RAB11FIP2: variants seen among roughly 807,000 people sequenced by gnomAD.
RAB11FIP2 encodes rab11 family-interacting protein 2.
RAB11FIP2 carries 16 observed loss-of-function variants against 40.9 expected under a neutral mutation model. The observed-to-expected ratio is 0.39, with a 90% CI of 0.26 to 0.59. RAB11FIP2 has a LOEUF of 0.59. Among genes scored for constraint, RAB11FIP2 ranks in the 20% least tolerant of loss-of-function variants. The pLI, the probability that RAB11FIP2 is intolerant of heterozygous loss-of-function variation, is 0.53. For synonymous variants in RAB11FIP2, 228 were observed against 213.7 expected (o/e 1.07, Z -0.58); for missense variants, 532 against 606.2 (o/e 0.88, Z 1.28).
chr10:118,016,356 C>T (rs1188460226), intron 3 of RAB11FIP2, among the ~76,000 whole-genome samples: 1 of 152,182 alleles, frequency 6.6e-6, no homozygotes, highest in Non-Finnish European at 1.5e-5. Context: ...GGCACATTTT[C>T]TTAACATCTT....
At position 118,046,280 on chromosome 10, in the gene RAB11FIP2, A is replaced by G; in HGVS notation, c.-117T>C. On this transcript the variant is annotated 5_prime_UTR_variant, in exon 1 of 5. An upstream open reading frame in the 5' UTR loses its in-frame stop. Coordinates refer to ENST00000355624, the MANE Select transcript of RAB11FIP2 (RefSeq NM_014904.3). ...ACACTTAACGGAAACAGGCAGGCTC[A>G]GGGCTCCCCGACTTCCCTATGGCTG... The G allele has an allele frequency of 1.1e-6, 1 of 933,434 alleles. No homozygotes were observed. The highest frequency in any genetic ancestry group is 1.6e-6 in the Non-Finnish European group (1 of 611,098). The allele number at this position is 933,434 out of a possible 1,614,324, so 57.8% of individuals were successfully genotyped here.
intron 3 of RAB11FIP2, among the ~76,000 whole-genome samples, chr10:118,020,624 C>T (rs1333350909): frequency 1.3e-5 from 2 of 152,176 alleles, no homozygotes; most frequent in Non-Finnish European, 1.5e-5. Context: ...CCCCTGCCTC[C>T]CTGCTGGGCT....
In RAB11FIP2 at chr10:118,040,543, G is replaced by T. The variant is rs1293356858; in HGVS notation, c.376C>A (p.Gln126Lys). The T allele has an allele frequency of 6.2e-7, 1 of 1,606,618 alleles. No homozygotes were observed. The highest frequency in any genetic ancestry group is 8.5e-7 in the Non-Finnish European group (1 of 1,177,130). The change falls in exon 2 of 5, where the codon CAA (glutamine) becomes AAA (lysine). Residue 126 changes from glutamine to lysine, a missense_variant. Transcript: ENST00000355624. The stretch of plus-strand genomic sequence containing the variant: ...CCCCTGTTTTTGATTCGTTTTCCTT[G>T]TTTGGATTCTAATCTAAACCACCTT... ...KTEWFRLESK[Q>K]GKRIKNRGEI...
At chr10:118,020,920 A>G (rs1846276599) in intron 3 of RAB11FIP2, among the ~76,000 whole-genome samples, 1 of 152,202 alleles carries the variant, frequency 6.6e-6, no homozygotes, top group South Asian at 2.1e-4. Context: ...AAGAAAAATA[A>G]TTACTCATAT....
rs1428506700 is a variant in RAB11FIP2, at chr10:118,005,848, TAACAAGAAGAA to T, written c.*3139_*3149del. The T allele has an allele frequency of 6.6e-6, 1 of 152,404 alleles. No homozygotes were observed. The highest frequency in any genetic ancestry group is 1.9e-4 in the East Asian group (1 of 5,188). The allele number at this position is 152,404 out of a possible 1,614,324, so 9.4% of individuals were successfully genotyped here. On this transcript the variant is annotated 3_prime_UTR_variant, in exon 5 of 5. Coordinates refer to ENST00000355624, the MANE Select transcript of RAB11FIP2 (RefSeq NM_014904.3). ...GGTGGTGAGGGAGTTGCTGGAGGAA[TAACAAGAAGAA>T]AACAAGTCTGTCACTAATGAGCTTA...
At chr10:118,044,089 T>C (rs1173900262) in intron 1 of RAB11FIP2, among the ~76,000 whole-genome samples, 2 of 152,206 alleles carry the variant, frequency 1.3e-5, no homozygotes, top group Non-Finnish European at 2.9e-5. Flanking sequence ...AGAGAATTTC[T>C]ATAAGGAGAG....
rs2928125 is a variant in RAB11FIP2, at chr10:118,006,870, C to T, written c.*2128G>A. On this transcript the variant is annotated 3_prime_UTR_variant, in exon 5 of 5. Transcript: ENST00000355624. The stretch of plus-strand genomic sequence containing the variant: ...AATAGCTTTTATATAGGAAAAGAAT[C>T]GCTCCTTAAAAATCAATTTCCCCAT... 0.04 allele frequency: 6,122 copies of T among 152,288 alleles called. 319 individuals carry two copies. The highest frequency in any genetic ancestry group is 0.28 in the East Asian group (1,455 of 5,164). 9.4% of individuals were successfully genotyped at this position (152,288 alleles called of 1,614,324 possible).
chr10:118,010,639 T>C (rs776909076), intron 4 of RAB11FIP2, among the ~76,000 whole-genome samples: 3 of 152,086 alleles, frequency 2.0e-5, no homozygotes. Context: ...GCTTGGGTCA[T>C]TGAAGCACAC....
chr10:118,010,729 A>T (rs1846144951), intron 4 of RAB11FIP2, among the ~76,000 whole-genome samples: 1 of 152,078 alleles, frequency 6.6e-6, no homozygotes, highest in South Asian at 2.1e-4. Context: ...CTTTGTGGAG[A>T]AGATACAGCT....
At chr10:118,012,609 CAT>C (rs1249086152) in intron 4 of RAB11FIP2, among the ~76,000 whole-genome samples, 3 of 151,738 alleles carry the variant, frequency 2.0e-5, no homozygotes, top group Non-Finnish European at 4.4e-5. Flanking sequence ...AAAATTAAAA[CAT>C]ATGCTCATTA....
chr10:118,038,802 C>T, intron 3 of RAB11FIP2, 170 bp downstream of exon 3: 1 of 554,668 alleles, frequency 1.8e-6, no homozygotes, highest in Non-Finnish European at 3.0e-6. Flanking sequence ...AAGTTCAGTT[C>T]CAAAAATATA....
chr10:118,007,558 T>C lies in RAB11FIP2; in HGVS notation c.*1440A>G, dbSNP rs1442403238. The C allele has an allele frequency of 2.0e-5, 3 of 151,966 alleles. No homozygotes were observed. Among genetic ancestry groups the C allele is most frequent in the Non-Finnish European group, 4.4e-5 (3 of 67,924 alleles). The allele number at this position is 151,966 out of a possible 1,614,324, so 9.4% of individuals were successfully genotyped here. A position where few individuals can be genotyped will look rare whatever the true frequency, so the allele number is the denominator to read the frequency against. ...CAATTCATGGAAAGATTGGGGAATA[T>C]GTAAGTCTCCATATGGACATGAATT... is the stretch of plus-strand genomic sequence containing the variant. On this transcript the variant is annotated 3_prime_UTR_variant, in exon 5 of 5. Transcript: ENST00000355624.
At chr10:118,013,948 T>G (rs1385907581) in intron 4 of RAB11FIP2, among the ~76,000 whole-genome samples, 1 of 152,112 alleles carries the variant, frequency 6.6e-6, no homozygotes, top group African/African-American at 2.4e-5. Flanking sequence ...CCTGATAGAA[T>G]TCATTTTACT....
chr10:118,012,449 A>G (rs1295464063), intron 4 of RAB11FIP2, among the ~76,000 whole-genome samples: 1 of 151,920 alleles, frequency 6.6e-6, no homozygotes, highest in Non-Finnish European at 1.5e-5. Context: ...GCTGAGTTCC[A>G]GATTTTATCT....
chr10:118,023,028 T>A (rs771684710), intron 3 of RAB11FIP2, among the ~76,000 whole-genome samples: 1 of 152,212 alleles, frequency 6.6e-6, no homozygotes, highest in Non-Finnish European at 1.5e-5. Context: ...TACGAAGAAT[T>A]ATTCTCATAT....
intron 3 of RAB11FIP2, among the ~76,000 whole-genome samples, chr10:118,022,117 G>A (rs1269446426): frequency 6.6e-6 from 1 of 152,162 alleles, no homozygotes; most frequent in Non-Finnish European, 1.5e-5. Flanking sequence ...GCGCACCGAA[G>A]GTGAAGCCTC....
intron 1 of RAB11FIP2, among the ~76,000 whole-genome samples, chr10:118,040,826 T>C (rs978714376): frequency 2.6e-5 from 4 of 152,276 alleles, no homozygotes; most frequent in African/African-American, 9.6e-5. Context: ...GATAATCTTT[T>C]CTTTTGTAAT....
At chr10:118,040,100 G>A in intron 2 of RAB11FIP2, 23 bp downstream of exon 2, 1 of 1,592,134 alleles carries the variant, frequency 6.3e-7, no homozygotes, top group Non-Finnish European at 8.6e-7. Flanking sequence ...AGACCAATGA[G>A]TACACAAGAA....
intron 3 of RAB11FIP2, among the ~76,000 whole-genome samples, chr10:118,015,680 C>G (rs922499385): frequency 6.6e-6 from 1 of 152,086 alleles, no homozygotes; most frequent in Admixed American, 6.5e-5. Context: ...AATACTGAAA[C>G]GAATCAAAAC....
Sources: allele counts gnomAD v4.1 joint callset (sites outside exome capture counted in the v4.1 genomes callset), GRCh38; gene constraint gnomAD v4.1.1; transcripts MANE v1.5; gene names NCBI Gene and HGNC (gene_info 2026-07-23, HGNC 2026-07-21).